MRTFB: variants seen among roughly 807,000 people sequenced by gnomAD.
MRTFB encodes the protein myocardin related transcription factor B.
Under a neutral mutation model 104.2 loss-of-function variants are expected in MRTFB, and 29 were observed. The observed-to-expected ratio is 0.28, with a 90% CI of 0.21 to 0.38. The LOEUF (loss-of-function observed/expected upper bound fraction) is 0.38, where lower values mean the gene tolerates loss of function less well. Ranked by LOEUF, MRTFB falls within the 10% of genes least tolerant of loss-of-function variation. The probability of loss-of-function intolerance (pLI) is 1.00; values close to 1 mark genes in which losing one functional copy is unlikely to be tolerated. For synonymous variants in MRTFB, 535 were observed against 519.5 expected, an observed-to-expected ratio of 1.03 and a Z score of -0.41; for missense variants, 1,270 against 1,341.6, an observed-to-expected ratio of 0.95 and a Z score of 0.83.
chr16:13,996,346 C>T, the MRTFB span, among the ~76,000 whole-genome samples: 1 of 151,988 alleles, frequency 6.6e-6, no homozygotes, highest in Non-Finnish European at 1.5e-5. Flanking sequence ...GATCAGTGTC[C>T]ATTCATTCAT....
chr16:14,190,316 C>T (rs2040122543), intron 3 of MRTFB, among the ~76,000 whole-genome samples: 1 of 152,214 alleles, frequency 6.6e-6, no homozygotes, highest in Admixed American at 6.5e-5. Flanking sequence ...TTCAAACATT[C>T]TCTGATTACA....
At chr16:14,249,894 A>G (rs2043183109) in intron 13 of MRTFB, among the ~76,000 whole-genome samples, 1 of 152,246 alleles carries the variant, frequency 6.6e-6, no homozygotes. Context: ...TGTCTGGGTG[A>G]AACCAGCTTT....
At chr16:14,104,179 C>G (rs2035851810) in intron 2 of MRTFB, among the ~76,000 whole-genome samples, 1 of 152,098 alleles carries the variant, frequency 6.6e-6, no homozygotes, top group Admixed American at 6.5e-5. Flanking sequence ...TGAGGCCAGG[C>G]CCTGAACTGA....
At chr16:14,219,078 C>A in intron 8 of MRTFB, 80 bp downstream of exon 8, 1 of 1,292,656 alleles carries the variant, frequency 7.7e-7, no homozygotes, top group Non-Finnish European at 1.0e-6. Context: ...TACACTTTGA[C>A]CAGAAGAAAA....
intron 3 of MRTFB, chr16:14,151,207 T>C (rs2038598199): frequency 6.6e-6 from 1 of 152,258 alleles, no homozygotes; most frequent in South Asian, 2.1e-4. Flanking sequence ...TATGTGTATG[T>C]AAGTTTTGGT....
At chr16:14,049,354 G>A in the MRTFB span, among the ~76,000 whole-genome samples, 1 of 152,194 alleles carries the variant, frequency 6.6e-6, no homozygotes, top group Admixed American at 6.5e-5. Context: ...ATAAATAGAT[G>A]ATAATTGAAA....
chr16:14,093,288 C>T (rs1209062856), intron 2 of MRTFB, among the ~76,000 whole-genome samples: 5 of 150,822 alleles, frequency 3.3e-5, no homozygotes, highest in Non-Finnish European at 4.4e-5. Context: ...AATTGTATTA[C>T]TTTTATAGGC....
chr16:14,053,990 T>C, the MRTFB span, among the ~76,000 whole-genome samples: 1 of 152,138 alleles, frequency 6.6e-6, no homozygotes, highest in Non-Finnish European at 1.5e-5. Flanking sequence ...GATTGTGAGG[T>C]CGTGTGCTAG....
chr16:14,002,194 C>A, the MRTFB span, among the ~76,000 whole-genome samples: 1 of 152,054 alleles, frequency 6.6e-6, no homozygotes, highest in Non-Finnish European at 1.5e-5. Flanking sequence ...ACCAGCCTGG[C>A]CAACATGGTG....
chr16:14,040,855 T>C, the MRTFB span, among the ~76,000 whole-genome samples: 3,456 of 152,270 alleles, frequency 0.023, 160 homozygotes, highest in African/African-American at 0.079. Context: ...GAGTCATGCC[T>C]ATAATACCAG....
chr16:14,245,484 G>C, intron 10 of MRTFB, 44 bp from the exon 11 acceptor site: 1 of 1,542,154 alleles, frequency 6.5e-7, no homozygotes, highest in Non-Finnish European at 8.8e-7. Context: ...GTCAAATCTA[G>C]AAATTATTTT....
At chr16:14,005,268 C>A in the MRTFB span, among the ~76,000 whole-genome samples, 1 of 152,148 alleles carries the variant, frequency 6.6e-6, no homozygotes, top group Non-Finnish European at 1.5e-5. Flanking sequence ...CTTGGCTTTT[C>A]AAAGTAGTAA....
the MRTFB span, among the ~76,000 whole-genome samples, chr16:14,050,775 T>G: frequency 1.3e-5 from 2 of 152,144 alleles, no homozygotes; most frequent in Non-Finnish European, 2.9e-5. Context: ...AAAATGGAGA[T>G]AACACAGCGT....
intron 8 of MRTFB, among the ~76,000 whole-genome samples, chr16:14,226,713 G>A (rs559879578): frequency 2.1e-4 from 32 of 152,204 alleles, no homozygotes; most frequent in Non-Finnish European, 3.5e-4. Flanking sequence ...GGTGACTCAC[G>A]CCTGTAATCC....
intron 3 of MRTFB, among the ~76,000 whole-genome samples, chr16:14,155,476 G>C (rs1008825438): frequency 6.6e-6 from 1 of 152,000 alleles, no homozygotes; most frequent in Non-Finnish European, 1.5e-5. Context: ...CTGCTTCCTG[G>C]TGTAAGTAGT....
chr16:14,016,714 G>A, the MRTFB span, among the ~76,000 whole-genome samples: 7 of 145,282 alleles, frequency 4.8e-5, no homozygotes, highest in Admixed American at 7.2e-5. Flanking sequence ...CGGAGGTTGC[G>A]GCGAGCCGAG....
chr16:14,007,562 G>A, the MRTFB span, among the ~76,000 whole-genome samples: 1 of 152,276 alleles, frequency 6.6e-6, no homozygotes, highest in Non-Finnish European at 1.5e-5. Flanking sequence ...GTGGACATAT[G>A]TTTTCATTTC....
the MRTFB span, among the ~76,000 whole-genome samples, chr16:14,024,361 T>G: frequency 1.3e-5 from 2 of 152,240 alleles, no homozygotes; most frequent in African/African-American, 4.8e-5. Flanking sequence ...TTGGACACTG[T>G]ATTTCCTACT....
the MRTFB span, among the ~76,000 whole-genome samples, chr16:14,015,230 T>G: frequency 6.6e-6 from 1 of 152,220 alleles, no homozygotes; most frequent in Non-Finnish European, 1.5e-5. Context: ...TGGCTGAAGT[T>G]TGGAAACGAA....
Sources: gnomAD v4.1 joint callset for allele counts (sites outside exome capture counted in the v4.1 genomes callset) on GRCh38, gnomAD v4.1.1 for gene constraint, MANE v1.5 for transcripts, NCBI Gene and HGNC (gene_info 2026-07-23, HGNC 2026-07-21) for gene names.